The following PPP2CA variants were observed in gnomAD, a reference collection of about 807,000 sequenced individuals.
PPP2CA encodes the protein serine/threonine-protein phosphatase 2A catalytic subunit alpha isoform.
PPP2CA carries 5 observed loss-of-function variants against 38.8 expected under a neutral mutation model. The ratio of observed to expected loss-of-function variants is 0.13; its 90% CI spans 0.07 to 0.27. The LOEUF is 0.27. Among genes scored for constraint, PPP2CA ranks in the 10% least tolerant of loss-of-function variants. The pLI is 1.00. For missense variants in PPP2CA, 88 were observed against 389.7 expected (o/e 0.23, Z 6.52); for synonymous variants, 152 against 134.0 (o/e 1.13, Z -0.93).
chr5:134,220,798 A>G (rs1170843919), intron 1 of PPP2CA, among the ~76,000 whole-genome samples: 1 of 152,178 alleles, frequency 6.6e-6, no homozygotes, highest in African/African-American at 2.4e-5. Flanking sequence ...CTGCCATAAA[A>G]CAGGGCCACA....
At chr5:134,211,842 G>C (rs1430019220) in intron 1 of PPP2CA, among the ~76,000 whole-genome samples, 2 of 152,104 alleles carry the variant, frequency 1.3e-5, no homozygotes, top group East Asian at 3.9e-4. Flanking sequence ...TTTTGGCTGA[G>C]TGCAGTGGCT....
chr5:134,213,717 A>G (rs1762257164), intron 1 of PPP2CA, among the ~76,000 whole-genome samples: 1 of 152,144 alleles, frequency 6.6e-6, no homozygotes, highest in African/African-American at 2.4e-5. Flanking sequence ...CAGGAGTTCA[A>G]GGTTCCAGTG....
At chr5:134,216,737 C>T (rs1450368006) in intron 1 of PPP2CA, among the ~76,000 whole-genome samples, 5 of 152,038 alleles carry the variant, frequency 3.3e-5, no homozygotes, top group African/African-American at 2.4e-5. Context: ...CTCCTAGTCT[C>T]GAGTGAGCTT....
rs973086498 is a variant in PPP2CA, at chr5:134,195,642, A to G, written c.*2130T>C. On this transcript the variant is annotated 3_prime_UTR_variant, in exon 7 of 7. Transcript: ENST00000481195. ...CACCCAACTTAGTGATTCCCATCCAACCATAATTATGTATTTTTCAAGAAA... is the reference window on the plus strand; with the variant it reads ...CACCCAACTTAGTGATTCCCATCCAGCCATAATTATGTATTTTTCAAGAAA... The G allele has an allele frequency of 5.3e-5, 8 of 152,210 alleles. No individual in the cohort carries two copies. Among genetic ancestry groups the G allele is most frequent in the Admixed American group, 2.6e-4 (4 of 15,286 alleles). The allele number at this position is 152,210 out of a possible 1,614,324, so 9.4% of individuals were successfully genotyped here.
intron 1 of PPP2CA, among the ~76,000 whole-genome samples, chr5:134,222,966 A>C (rs918750062): frequency 6.6e-6 from 1 of 152,222 alleles, no homozygotes; most frequent in East Asian, 1.9e-4. Context: ...AGTTCTGAAC[A>C]TGTAACACTG....
At chr5:134,223,237 C>G (rs567800723) in intron 1 of PPP2CA, among the ~76,000 whole-genome samples, 2 of 152,208 alleles carry the variant, frequency 1.3e-5, no homozygotes, top group Non-Finnish European at 2.9e-5. Context: ...CAAAATTACT[C>G]TTTAGAAGGC....
At chr5:134,224,128 A>T (rs1294081930) in intron 1 of PPP2CA, 1 of 322,286 alleles carries the variant, frequency 3.1e-6, no homozygotes, top group Non-Finnish European at 6.1e-6. Flanking sequence ...CTGACTTAAA[A>T]GTCTTTCATA....
In PPP2CA at chr5:134,195,420, A is replaced by T. The variant is rs866892518; in HGVS notation, c.*2352T>A. The T allele has an allele frequency of 1.3e-5, 2 of 151,950 alleles. No individual in the cohort carries two copies. Among genetic ancestry groups the T allele is most frequent in the Non-Finnish European group, 2.9e-5 (2 of 68,032 alleles). 9.4% of individuals were successfully genotyped at this position (151,950 alleles called of 1,614,324 possible). On this transcript the variant is annotated 3_prime_UTR_variant, in exon 7 of 7. Coordinates refer to ENST00000481195, the MANE Select transcript of PPP2CA (RefSeq NM_002715.4). ...ATGCCACCAAGCCCGGCTGATTTTC[A>T]TATTTTTTGTAGAGATGGGGTTTTG...
At position 134,215,651 on chromosome 5, in the gene PPP2CA, C is replaced by T. The variant is rs118150528; in HGVS notation, c.103-9520G>A. Among the ~76,000 whole-genome samples, 40 of 152,180 alleles carry T rather than the reference C, an allele frequency of 2.6e-4. No individual in the cohort carries two copies. The East Asian group carries it at 7.1e-3, about 27-fold the overall frequency. On this transcript the variant is annotated intron_variant, in intron 1 of 6. Transcript: ENST00000481195. ...ACAGGGTCTCACTATGCTGCCTAGG[C>T]TGGTCTTGAACTCCCGGGCTCAAGA... is the stretch of plus-strand genomic sequence containing the variant.
intron 1 of PPP2CA, among the ~76,000 whole-genome samples, chr5:134,216,265 G>A (rs575574418): frequency 2.0e-5 from 3 of 151,956 alleles, no homozygotes; most frequent in East Asian, 1.9e-4. Context: ...GGGTGGGCAC[G>A]GTGGATCATG....
intron 1 of PPP2CA, among the ~76,000 whole-genome samples, chr5:134,213,616 T>C (rs1762254840): frequency 6.6e-6 from 1 of 151,730 alleles, no homozygotes; most frequent in Non-Finnish European, 1.5e-5. Flanking sequence ...CGAGACCCTG[T>C]CTCTACGAAA....
rs1232361486 is a variant in PPP2CA, at chr5:134,204,084, C to T, written c.312+1838G>A. On this transcript the variant is annotated intron_variant, in intron 2 of 6. Transcript: ENST00000481195. ...TTCATTTTACAGATGCAGAAAATAA[C>T]GATCTCCAAAAATATTTCGTAGGAC... Among the ~76,000 whole-genome samples the T allele has an allele frequency of 1.3e-5, 2 of 152,172 alleles. 1 individual carries two copies. Among genetic ancestry groups the T allele is most frequent in the East Asian group, 3.9e-4 (2 of 5,190 alleles).
chr5:134,215,074 G>T (rs1762287871), intron 1 of PPP2CA, among the ~76,000 whole-genome samples: 1 of 149,204 alleles, frequency 6.7e-6, no homozygotes, highest in African/African-American at 2.5e-5. Flanking sequence ...CCTAGGGCTT[G>T]AGAAGTGTCT....
intron 1 of PPP2CA, among the ~76,000 whole-genome samples, chr5:134,217,522 T>A (rs79758263): frequency 0.051 from 7,823 of 152,236 alleles, 275 homozygotes; most frequent in Non-Finnish European, 0.08. Context: ...GCAAAAAAAA[T>A]TTTTTCAATA....
At chr5:134,221,368 C>T (rs573274860) in intron 1 of PPP2CA, among the ~76,000 whole-genome samples, 1 of 152,270 alleles carries the variant, frequency 6.6e-6, no homozygotes, top group African/African-American at 2.4e-5. Context: ...CTGCCGTGGC[C>T]TTCCAAAGTG....
chr5:134,225,658 C>G, intron 1 of PPP2CA, 102 bp downstream of exon 1: 1 of 1,053,748 alleles, frequency 9.5e-7, no homozygotes, highest in Non-Finnish European at 1.3e-6. Flanking sequence ...ACTCGGGGGG[C>G]CCGGACCGGC....
intron 1 of PPP2CA, among the ~76,000 whole-genome samples, chr5:134,224,752 G>C (rs940697674): frequency 2.0e-5 from 3 of 152,184 alleles, no homozygotes; most frequent in African/African-American, 7.2e-5. Flanking sequence ...AAGGGAATTA[G>C]CTAATATAAA....
rs751813026 is a variant in PPP2CA, at chr5:134,201,986, C to T, written c.348G>A (p.Gly116=). The T allele has an allele frequency of 3.1e-6, 5 of 1,612,562 alleles. No individual in the cohort carries two copies. The highest frequency in any genetic ancestry group is 1.7e-5 in the Admixed American group (1 of 59,596). ...GTGTGATCTGTCTGCTCTCATGATT[C>T]CCTCGAAGAATGGTGATGCGTTCAC... ...RYRERITILR[G]NHESRQITQV... The change falls in exon 3 of 7, where the codon GGG becomes GGA. Residue 116 remains glycine, a synonymous_variant. Transcript: ENST00000481195.
rs866837585 is a variant in PPP2CA, at chr5:134,200,593, T to C, written c.577-97A>G. On this transcript the variant is annotated intron_variant, in intron 4 of 6. Coordinates refer to ENST00000481195, the MANE Select transcript of PPP2CA (RefSeq NM_002715.4). ...GAAGCAGCACCCTAAGCCACCCTTT[T>C]TGAGTGATGTTTGTGGACAATGCTA... 1.1e-5 allele frequency: 15 copies of C among 1,311,022 alleles called. No individual in the cohort carries two copies. In the Middle Eastern group the frequency reaches 1.9e-3, roughly 165 times the overall value. The allele number at this position is 1,311,022 out of a possible 1,614,324, so 81.2% of individuals were successfully genotyped here. A position where few individuals can be genotyped will look rare whatever the true frequency, so the allele number is the denominator to read the frequency against.
Sources: gnomAD v4.1 joint callset for allele counts (sites outside exome capture counted in the v4.1 genomes callset) on GRCh38, gnomAD v4.1.1 for gene constraint, MANE v1.5 for transcripts, NCBI Gene and HGNC (gene_info 2026-07-23, HGNC 2026-07-21) for gene names.